Variants in RANBP9 observed in about 807,000 individuals in gnomAD.
RANBP9 encodes the protein ran-binding protein 9.
In RANBP9, 15 loss-of-function variants were observed where a neutral mutation model predicts 84.3. The observed-to-expected ratio is 0.18, with a 90% CI of 0.12 to 0.27. The LOEUF is 0.27. Among genes scored for constraint, RANBP9 ranks in the 10% least tolerant of loss-of-function variants. RANBP9 has a pLI of 1.00. For synonymous variants in RANBP9, 392 were observed against 349.6 expected (o/e 1.12, Z -1.35); for missense variants, 809 against 912.8 (o/e 0.89, Z 1.46).
chr6:13,639,795 A>C, intron 8 of RANBP9, 42 bp from the exon 9 acceptor site: 4 of 1,478,604 alleles, frequency 2.7e-6, no homozygotes, highest in Non-Finnish European at 3.7e-6. Flanking sequence ...CAATCTTCAA[A>C]TGGCCTTTTA....
At chr6:13,672,707 T>G in intron 2 of RANBP9, among the ~76,000 whole-genome samples, 1 of 151,950 alleles carries the variant, frequency 6.6e-6, no homozygotes, top group East Asian at 1.9e-4. Flanking sequence ...CAAACTCAGA[T>G]AAGGTAGATT....
chr6:13,642,419 T>A (rs1325938509), intron 7 of RANBP9, 60 bp downstream of exon 7: 1 of 1,019,748 alleles, frequency 9.8e-7, no homozygotes, highest in Non-Finnish European at 1.4e-6. Flanking sequence ...TTCTAAAAAT[T>A]AAAGTAACCA....
chr6:13,656,263 C>T (rs144163566), intron 4 of RANBP9, among the ~76,000 whole-genome samples: 2,109 of 152,154 alleles, frequency 0.014, 50 homozygotes, highest in African/African-American at 0.048. Context: ...TAGGGTTACT[C>T]AGTTTATGCT....
intron 2 of RANBP9, among the ~76,000 whole-genome samples, chr6:13,662,921 A>C (rs1319681874): frequency 6.6e-6 from 1 of 152,172 alleles, no homozygotes; most frequent in African/African-American, 2.4e-5. Context: ...AGGACAGAGA[A>C]AAAAAGGTAG....
chr6:13,704,191 T>C (rs1758042740), intron 1 of RANBP9, among the ~76,000 whole-genome samples: 1 of 152,208 alleles, frequency 6.6e-6, no homozygotes, highest in Non-Finnish European at 1.5e-5. Flanking sequence ...TTCCCACTCT[T>C]GTAACCTCTT....
rs1285753119 is a variant in RANBP9, at chr6:13,711,173, G to A, written c.333C>T (p.Gly111=). 1.3e-5 allele frequency: 18 copies of A among 1,415,606 alleles called. No individual in the cohort carries two copies. Among genetic ancestry groups the A allele is most frequent in the South Asian group, 4.2e-5 (3 of 70,758 alleles). The allele number at this position is 1,415,606 out of a possible 1,614,324, so 87.7% of individuals were successfully genotyped here. A position where few individuals can be genotyped will look rare whatever the true frequency, so the allele number is the denominator to read the frequency against. The part of the protein sequence containing the change: ...GPPAPPGLAA[G]PGPAGGAPTP... The stretch of plus-strand genomic sequence containing the variant: ...TCGGGGCTCCTCCAGCCGGGCCGGG[G>A]CCCGCTGCAAGGCCCGGGGGAGCGG... Residue 111 remains glycine, a synonymous_variant, in exon 1 of 14, where the codon GGC becomes GGT. Transcript: ENST00000011619.
intron 2 of RANBP9, among the ~76,000 whole-genome samples, chr6:13,671,327 T>C (rs1403677450): frequency 6.6e-6 from 1 of 152,136 alleles, no homozygotes; most frequent in Non-Finnish European, 1.5e-5. Context: ...TGAAAACACA[T>C]AGCCATACTA....
chr6:13,653,289 G>A (rs1441774499), intron 4 of RANBP9, among the ~76,000 whole-genome samples: 1 of 152,046 alleles, frequency 6.6e-6, no homozygotes, highest in Non-Finnish European at 1.5e-5. Flanking sequence ...AATACCTTTT[G>A]ACAGTAATTA....
chr6:13,640,213 C>T (rs74588797), intron 8 of RANBP9, among the ~76,000 whole-genome samples: 4,570 of 152,246 alleles, frequency 0.03, 95 homozygotes, highest in South Asian at 0.059. Context: ...TATTCTAAAG[C>T]AAAACAATTC....
intron 2 of RANBP9, among the ~76,000 whole-genome samples, chr6:13,677,779 G>A (rs533190292): frequency 4.5e-4 from 69 of 152,222 alleles, no homozygotes; most frequent in Middle Eastern, 3.4e-3. Context: ...ATACCAACTG[G>A]TGATTCACAT....
In RANBP9 at chr6:13,632,524, G is replaced by GT; in HGVS notation, c.1796-4dup. On this transcript the variant is annotated splice_region_variant and splice_polypyrimidine_tract_variant and intron_variant, in intron 11 of 13. Coordinates refer to ENST00000011619, the MANE Select transcript of RANBP9 (RefSeq NM_005493.3). ...TCTCAACTGACTTGAATCAACTTCTGTAAGAAAAACAGACAAGTATTTTAC... is the reference window on the plus strand; with the variant it reads ...TCTCAACTGACTTGAATCAACTTCTGTTAAGAAAAACAGACAAGTATTTTAC... 6.2e-7 allele frequency: 1 copy of GT among 1,610,176 alleles called. No homozygotes were observed. The highest frequency in any genetic ancestry group is 8.5e-7 in the Non-Finnish European group (1 of 1,177,150).
intron 12 of RANBP9, among the ~76,000 whole-genome samples, chr6:13,631,959 GAAC>G (rs966904146): frequency 5.3e-5 from 8 of 152,008 alleles, no homozygotes; most frequent in African/African-American, 7.2e-5. Flanking sequence ...CTATAAACCT[GAAC>G]AACATTTACT....
In RANBP9 at chr6:13,657,147, TTGA is replaced by T; in HGVS notation, c.863_865del (p.Ile288del). On this transcript the variant is annotated inframe_deletion, in exon 4 of 14. Transcript: ENST00000011619. Reference sequence around the variant, plus strand: ...ATTCTTGGTGTAAAAGCAGGTATTGTTGATAAGATTAACACAACAGCCAATGAC... The same window carrying T: ...ATTCTTGGTGTAAAAGCAGGTATTGTTAAGATTAACACAACAGCCAATGAC... 1 of 1,612,814 alleles carries T rather than the reference TTGA, an allele frequency of 6.2e-7. No homozygotes were observed. Among genetic ancestry groups the T allele is most frequent in the Non-Finnish European group, 8.5e-7 (1 of 1,179,288 alleles).
chr6:13,663,865 G>C (rs1584930450), intron 2 of RANBP9, among the ~76,000 whole-genome samples: 1 of 151,922 alleles, frequency 6.6e-6, no homozygotes, highest in Non-Finnish European at 1.5e-5. Context: ...AAATACACTT[G>C]GCAAACTAAC....
At chr6:13,688,900 C>A (rs1416757355) in intron 2 of RANBP9, among the ~76,000 whole-genome samples, 1 of 147,520 alleles carries the variant, frequency 6.8e-6, no homozygotes, top group Non-Finnish European at 1.5e-5. Context: ...TGCCTGTAAT[C>A]CCAACACTTA....
intron 10 of RANBP9, among the ~76,000 whole-genome samples, chr6:13,636,373 T>G (rs1382444640): frequency 6.6e-6 from 1 of 152,236 alleles, no homozygotes; most frequent in African/African-American, 2.4e-5. Flanking sequence ...ACAAAATAAC[T>G]TATAGCTTAA....
Position 13,711,560 on chromosome 6 carries a change from G to A in RANBP9, c.-55C>T, listed in dbSNP as rs1758289303. On this transcript the variant is annotated 5_prime_UTR_variant, in exon 1 of 14. Coordinates refer to ENST00000011619, the MANE Select transcript of RANBP9 (RefSeq NM_005493.3). ...CCACCTCTTCTCTCCTTCCTCCTCT[G>A]CTTCCCGGGGGCGCTGTCGCTGCGG... The A allele has an allele frequency of 9.7e-6, 12 of 1,232,858 alleles. No individual in the cohort carries two copies. The highest frequency in any genetic ancestry group is 3.3e-5 in the South Asian group (1 of 29,974). 76.4% of individuals were successfully genotyped at this position (1,232,858 alleles called of 1,614,324 possible).
At chr6:13,647,399 T>C (rs1302876976) in intron 5 of RANBP9, among the ~76,000 whole-genome samples, 1 of 151,984 alleles carries the variant, frequency 6.6e-6, no homozygotes, top group Non-Finnish European at 1.5e-5. Context: ...ATGAAAAAAA[T>C]GTACATTTTA....
intron 4 of RANBP9, among the ~76,000 whole-genome samples, chr6:13,655,394 T>C (rs1266964506): frequency 1.3e-5 from 2 of 152,118 alleles, no homozygotes; most frequent in Non-Finnish European, 2.9e-5. Flanking sequence ...TGCTTGAAAC[T>C]AGGAGGCAGA....
Sources: allele counts gnomAD v4.1 joint callset (sites outside exome capture counted in the v4.1 genomes callset), GRCh38; gene constraint gnomAD v4.1.1; transcripts MANE v1.5; gene names NCBI Gene and HGNC (gene_info 2026-07-23, HGNC 2026-07-21).